The following TRMT11 variants were observed in gnomAD, a reference collection of about 807,000 sequenced individuals.
The protein encoded by TRMT11 is tRNA (guanine(10)-N(2))-methyltransferase TRMT11.
TRMT11 carries 53 observed loss-of-function variants against 62.8 expected under a neutral mutation model. That is an observed-to-expected ratio of 0.84 (90% CI 0.68 to 1.06). The LOEUF (loss-of-function observed/expected upper bound fraction) is 1.06. Ranked by LOEUF, TRMT11 falls within the 50% of genes least tolerant of loss-of-function variation. The pLI is 0.00. For missense variants in TRMT11, 556 were observed against 553.4 expected (o/e 1.00, Z -0.05); for synonymous variants, 188 against 190.3 (o/e 0.99, Z 0.10).
chr6:126,063,272 C>A (rs1776590126), intron 17 of TRMT11, among the ~76,000 whole-genome samples: 1 of 152,130 alleles, frequency 6.6e-6, no homozygotes, highest in Non-Finnish European at 1.5e-5. Context: ...AAAATAAGGA[C>A]TCAGTGGGCT....
At chr6:126,034,995 G>A (rs1292724798) in intron 12 of TRMT11, among the ~76,000 whole-genome samples, 2 of 152,128 alleles carry the variant, frequency 1.3e-5, no homozygotes, top group Admixed American at 1.3e-4. Flanking sequence ...TCAGATGTAA[G>A]CCCTGGCAAA....
intron 11 of TRMT11, among the ~76,000 whole-genome samples, chr6:126,019,596 A>G (rs1168344576): frequency 6.6e-6 from 1 of 152,154 alleles, no homozygotes; most frequent in African/African-American, 2.4e-5. Context: ...AAATTAGTAT[A>G]TTACTTAGTT....
At chr6:125,991,206 A>G (rs1790564759) in intron 1 of TRMT11, among the ~76,000 whole-genome samples, 1 of 151,192 alleles carries the variant, frequency 6.6e-6, no homozygotes, top group Non-Finnish European at 1.5e-5. Flanking sequence ...AGATCACACC[A>G]TCGCACTCCA....
chr6:126,253,206 T>G, the TRMT11 span, among the ~76,000 whole-genome samples: 5 of 151,964 alleles, frequency 3.3e-5, no homozygotes. Context: ...GGAGGCTGGG[T>G]CTACACAGGG....
At chr6:126,177,438 C>T (rs867685653) in intron 1 of TRMT11, 2 of 152,124 alleles carry the variant, frequency 1.3e-5, no homozygotes, top group African/African-American at 4.8e-5. Context: ...GTGCAGATAC[C>T]AATTTCAACT....
intron 12 of TRMT11, among the ~76,000 whole-genome samples, chr6:126,031,880 A>G (rs1054336718): frequency 1.3e-5 from 2 of 152,266 alleles, no homozygotes; most frequent in East Asian, 1.9e-4. Flanking sequence ...CTGTGATACT[A>G]CTGAGGGGGC....
intron 17 of TRMT11, among the ~76,000 whole-genome samples, chr6:126,081,307 G>A (rs906573980): frequency 1.3e-5 from 2 of 152,124 alleles, no homozygotes; most frequent in African/African-American, 4.8e-5. Context: ...CTTTTATCTG[G>A]CACAGCCAAG....
At chr6:126,048,088 G>GC (rs1326302917) in intron 16 of TRMT11, among the ~76,000 whole-genome samples, 2 of 152,184 alleles carry the variant, frequency 1.3e-5, no homozygotes, top group Non-Finnish European at 2.9e-5. Context: ...CTGAAACAAA[G>GC]CCCCTGGCTC....
At chr6:126,106,145 T>C (rs1389793515) in intron 17 of TRMT11, among the ~76,000 whole-genome samples, 2 of 150,600 alleles carry the variant, frequency 1.3e-5, no homozygotes, top group African/African-American at 2.5e-5. Flanking sequence ...AGGATTCCAG[T>C]TGGATTTTTT....
chr6:126,111,829 C>G (rs569857100), intron 17 of TRMT11, among the ~76,000 whole-genome samples: 1 of 151,176 alleles, frequency 6.6e-6, no homozygotes, highest in South Asian at 2.1e-4. Flanking sequence ...ATGAAATCTT[C>G]TTTGCCTTCT....
intron 7 of TRMT11, among the ~76,000 whole-genome samples, chr6:126,006,481 A>G (rs1793369426): frequency 6.6e-6 from 1 of 151,998 alleles, no homozygotes; most frequent in Non-Finnish European, 1.5e-5. Flanking sequence ...TATTTAAGTA[A>G]TGAGAAATTG....
chr6:126,018,067 G>A (rs549577839), intron 11 of TRMT11, among the ~76,000 whole-genome samples: 58 of 152,170 alleles, frequency 3.8e-4, no homozygotes, highest in Non-Finnish European at 7.9e-4. Flanking sequence ...GCTAGTGTTA[G>A]TGATAACATG....
intron 3 of TRMT11, among the ~76,000 whole-genome samples, chr6:126,200,989 G>A (rs1347994411): frequency 3.9e-5 from 6 of 152,118 alleles, no homozygotes; most frequent in African/African-American, 1.4e-4. Context: ...TAGAATAGGG[G>A]GTGTTTAGAC....
At chr6:126,226,341 GCAA>G in the TRMT11 span, among the ~76,000 whole-genome samples, 3 of 151,934 alleles carry the variant, frequency 2.0e-5, no homozygotes, top group African/African-American at 4.8e-5. Context: ...AAAAATTCAG[GCAA>G]GAAGCTGTAT....
chr6:126,054,109 C>G (rs1436264866), intron 17 of TRMT11, among the ~76,000 whole-genome samples: 3 of 152,196 alleles, frequency 2.0e-5, no homozygotes. Flanking sequence ...AAGCCCACTC[C>G]CTGTGACCTC....
the TRMT11 span, chr6:126,258,391 C>T: frequency 1.7e-4 from 57 of 337,026 alleles, no homozygotes; most frequent in African/African-American, 5.4e-4. Flanking sequence ...TGTGTCTGGA[C>T]GCCAGCTGCC....
rs78077748 is a variant in TRMT11 at position 126,066,805 on chromosome 6, G to C, written c.*1437+13615G>C. On this transcript the variant is annotated intron_variant and NMD_transcript_variant, in intron 17 of 22. Coordinates refer to the TRMT11 transcript ENST00000648977. Reference sequence around the variant, plus strand: ...GCTTATCAGTGATGAGGCTTGGGGGGTGCCATCCACCCAGCCAGCCAGGAC... The same window carrying C: ...GCTTATCAGTGATGAGGCTTGGGGGCTGCCATCCACCCAGCCAGCCAGGAC... Among the ~76,000 whole-genome samples, 900 of 152,144 alleles carry C rather than the reference G, an allele frequency of 5.9e-3. 5 individuals carry two copies. The highest frequency in any genetic ancestry group is 0.021 in the African/African-American group (870 of 41,490).
the TRMT11 span, among the ~76,000 whole-genome samples, chr6:126,240,255 G>A: frequency 1.3e-5 from 2 of 152,196 alleles, no homozygotes; most frequent in African/African-American, 2.4e-5. Flanking sequence ...CTGGTGAGGA[G>A]CTGCGTTCCT....
intron 17 of TRMT11, among the ~76,000 whole-genome samples, chr6:126,101,884 G>A (rs1777406193): frequency 6.6e-6 from 1 of 152,170 alleles, no homozygotes; most frequent in Non-Finnish European, 1.5e-5. Flanking sequence ...AATATACCAA[G>A]ATGCCTTAAT....
Sources: gnomAD v4.1 joint callset for allele counts (sites outside exome capture counted in the v4.1 genomes callset) on GRCh38, gnomAD v4.1.1 for gene constraint, MANE v1.5 for transcripts, NCBI Gene and HGNC (gene_info 2026-07-23, HGNC 2026-07-21) for gene names.